Variants in PDE1C observed in about 807,000 individuals in gnomAD.
The protein encoded by PDE1C is dual specificity calcium/calmodulin-dependent 3',5'-cyclic nucleotide phosphodiesterase 1C.
PDE1C carries 62 observed loss-of-function variants against 93.1 expected under a neutral mutation model. The observed-to-expected ratio is 0.67, with a 90% CI of 0.54 to 0.82. The LOEUF is 0.82. Ranked by LOEUF, PDE1C falls within the 40% of genes least tolerant of loss-of-function variation. The pLI, the probability that PDE1C is intolerant of heterozygous loss-of-function variation, is 0.00. For missense variants in PDE1C, 742 were observed against 884.6 expected (o/e 0.84, Z 2.04); for synonymous variants, 325 against 310.1 (o/e 1.05, Z -0.50).
At chr7:32,032,392 G>C (rs1365132999) in intron 2 of PDE1C, among the ~76,000 whole-genome samples, 2 of 152,174 alleles carry the variant, frequency 1.3e-5, no homozygotes, top group East Asian at 3.9e-4. Context: ...CACACCCGTA[G>C]AGTGTCCCCA....
At chr7:32,299,576 G>T (rs532262051), upstream of PDE1C, among the ~76,000 whole-genome samples, 5 of 152,342 alleles carry the variant, frequency 3.3e-5, 1 homozygote, top group South Asian at 2.1e-4. Context: ...TGATGTGGAA[G>T]ATATCTTACC....
chr7:32,051,913 C>T (rs1233792929), intron 1 of PDE1C, among the ~76,000 whole-genome samples: 4 of 152,134 alleles, frequency 2.6e-5, no homozygotes, highest in Admixed American at 6.5e-5. Context: ...AAACCTCAGT[C>T]CTTCCTTTAC....
At chr7:31,737,094 G>A in the PDE1C span, among the ~76,000 whole-genome samples, 10 of 152,128 alleles carry the variant, frequency 6.6e-5, no homozygotes, top group East Asian at 1.9e-3. Context: ...GGGACTACAG[G>A]CATGCACCAC....
intron 1 of PDE1C, among the ~76,000 whole-genome samples, chr7:32,229,860 C>A (rs975143921): frequency 2.6e-5 from 4 of 152,188 alleles, no homozygotes; most frequent in Non-Finnish European, 2.9e-5. Flanking sequence ...AAGAATCTAA[C>A]AAGAGCTAGA....
chr7:31,900,238 CTCA>C (rs1397479953), intron 2 of PDE1C, among the ~76,000 whole-genome samples: 2 of 152,194 alleles, frequency 1.3e-5, no homozygotes, highest in African/African-American at 2.4e-5. Context: ...CATATTCTCT[CTCA>C]TCATATCAAC....
downstream of PDE1C, among the ~76,000 whole-genome samples, chr7:31,747,248 C>T (rs1343911856): frequency 6.6e-6 from 1 of 152,152 alleles, no homozygotes; most frequent in Non-Finnish European, 1.5e-5. Flanking sequence ...AATCAAAGGA[C>T]CTCAATTGAA....
chr7:32,002,480 T>G (rs1229836610), intron 2 of PDE1C, among the ~76,000 whole-genome samples: 1 of 152,150 alleles, frequency 6.6e-6, no homozygotes, highest in Non-Finnish European at 1.5e-5. Context: ...GAAAATGGGG[T>G]GATCCAGGTA....
At chr7:31,900,303 T>C (rs916755034) in intron 2 of PDE1C, among the ~76,000 whole-genome samples, 1 of 152,150 alleles carries the variant, frequency 6.6e-6, no homozygotes, top group African/African-American at 2.4e-5. Context: ...ATAAATTATT[T>C]TATCAAATGC....
downstream of PDE1C, among the ~76,000 whole-genome samples, chr7:31,747,740 G>A (rs1794035580): frequency 6.6e-6 from 1 of 151,772 alleles, no homozygotes; most frequent in Non-Finnish European, 1.5e-5. Context: ...GGTTAGGGAT[G>A]AGATCATAAG....
upstream of PDE1C, among the ~76,000 whole-genome samples, chr7:32,075,800 T>G (rs946792069): frequency 6.6e-6 from 1 of 152,074 alleles, no homozygotes; most frequent in Admixed American, 6.5e-5. Flanking sequence ...TTTCTGCGCC[T>G]CTCTCTGCCA....
the PDE1C span, among the ~76,000 whole-genome samples, chr7:31,686,020 C>A: frequency 6.6e-6 from 1 of 152,206 alleles, no homozygotes; most frequent in Non-Finnish European, 1.5e-5. Flanking sequence ...GAGGCACCAA[C>A]AAACACATTG....
intron 3 of PDE1C, among the ~76,000 whole-genome samples, chr7:32,157,390 CTGATT>C: frequency 6.6e-6 from 1 of 152,224 alleles, no homozygotes; most frequent in Middle Eastern, 3.4e-3. Flanking sequence ...CCCCGTTACC[CTGATT>C]TGATCATTGT....
chr7:31,763,526 A>C (rs1456342862), intron 17 of PDE1C, among the ~76,000 whole-genome samples: 1 of 152,180 alleles, frequency 6.6e-6, no homozygotes, highest in East Asian at 1.9e-4. Context: ...ATCCTAAGTA[A>C]ATAATCTGTT....
At chr7:31,670,968 G>C in the PDE1C span, among the ~76,000 whole-genome samples, 1 of 152,056 alleles carries the variant, frequency 6.6e-6, no homozygotes, top group African/African-American at 2.4e-5. Context: ...GAGAAGTCTG[G>C]CTGGGTACAG....
the PDE1C span, chr7:31,653,068 T>A: frequency 9.9e-7 from 1 of 1,014,442 alleles, no homozygotes; most frequent in Non-Finnish European, 1.3e-6. Flanking sequence ...GACTAAATAG[T>A]ATACGGTCTC....
intron 1 of PDE1C, among the ~76,000 whole-genome samples, chr7:32,341,173 C>CTATTTTTTATTTTTTTTTTTTTTT (rs796122014): frequency 1.2e-4 from 10 of 84,952 alleles, no homozygotes; most frequent in Non-Finnish European, 1.9e-4. Flanking sequence ...GAAATAAAGT[C>CTATTTTTTATTTTTTTTTTTTTTT]TTTTTTTTTT....
chr7:31,915,641 A>G (rs942034711), intron 2 of PDE1C, among the ~76,000 whole-genome samples: 9 of 152,312 alleles, frequency 5.9e-5, no homozygotes, highest in South Asian at 2.1e-4. Context: ...TAACCCGTGA[A>G]AGGCAATAAT....
intron 3 of PDE1C, among the ~76,000 whole-genome samples, chr7:32,154,700 C>A (rs1049832675): frequency 5.3e-5 from 8 of 152,226 alleles, no homozygotes; most frequent in Non-Finnish European, 2.9e-5. Context: ...ACTCCAAGCT[C>A]TAGTGCTAAC....
intron 2 of PDE1C, among the ~76,000 whole-genome samples, chr7:31,914,428 A>G (rs1157847016): frequency 1.3e-5 from 2 of 152,208 alleles, no homozygotes; most frequent in African/African-American, 2.4e-5. Context: ...GTTAACATAT[A>G]CCTTGATTTT....
Sources: gnomAD v4.1 joint callset for allele counts (sites outside exome capture counted in the v4.1 genomes callset) on GRCh38, gnomAD v4.1.1 for gene constraint, MANE v1.5 for transcripts, NCBI Gene and HGNC (gene_info 2026-07-23, HGNC 2026-07-21) for gene names.